Variants in KIAA1328 observed in about 807,000 individuals in gnomAD.
The protein encoded by KIAA1328 is KIAA1328.
In KIAA1328, 52 loss-of-function variants were observed where a neutral mutation model predicts 68.1. The ratio of observed to expected loss-of-function variants is 0.76; its 90% CI spans 0.61 to 0.96. The LOEUF (loss-of-function observed/expected upper bound fraction) is 0.96, where lower values mean the gene tolerates loss of function less well. KIAA1328 is among the 40% of genes least tolerant of loss of function. The pLI is 0.00. For synonymous variants in KIAA1328, 232 were observed against 239.4 expected, an observed-to-expected ratio of 0.97 and a Z score of 0.28; for missense variants, 641 against 677.6, an observed-to-expected ratio of 0.95 and a Z score of 0.60.
At chr18:37,151,529 T>C (rs1408733109) in intron 7 of KIAA1328, among the ~76,000 whole-genome samples, 3 of 152,146 alleles carry the variant, frequency 2.0e-5, no homozygotes, top group Admixed American at 6.5e-5. Context: ...TTTAGGTATG[T>C]AAATTAAAGT....
chr18:37,130,557 G>A (rs2058498871), intron 7 of KIAA1328, among the ~76,000 whole-genome samples: 1 of 152,090 alleles, frequency 6.6e-6, no homozygotes, highest in Non-Finnish European at 1.5e-5. Flanking sequence ...GGCGGAGGTT[G>A]CAGTGAGCCA....
chr18:37,171,898 AC>A (rs1353817355), intron 8 of KIAA1328, among the ~76,000 whole-genome samples: 1 of 152,184 alleles, frequency 6.6e-6, no homozygotes, highest in East Asian at 1.9e-4. Context: ...ATAGAGTGAG[AC>A]CCTGTCTCAA....
chr18:36,829,458 G>T (rs2150739434), intron 1 of KIAA1328: 1 of 1,290,514 alleles, frequency 7.7e-7, no homozygotes, highest in Admixed American at 4.3e-5. Context: ...GAGAAAGATA[G>T]CCTTGAGTCC....
intron 7 of KIAA1328, among the ~76,000 whole-genome samples, chr18:37,135,415 C>G (rs1242395831): frequency 6.6e-6 from 1 of 152,140 alleles, no homozygotes; most frequent in Non-Finnish European, 1.5e-5. Context: ...GAGATGGTAT[C>G]TCATTACGGT....
intron 5 of KIAA1328, among the ~76,000 whole-genome samples, chr18:36,936,961 CTA>C (rs2050522638): frequency 6.6e-6 from 1 of 152,142 alleles, no homozygotes; most frequent in Admixed American, 6.5e-5. Flanking sequence ...AAACTATATA[CTA>C]CAAGGCTACA....
chr18:37,100,784 C>G (rs527619692), intron 7 of KIAA1328, among the ~76,000 whole-genome samples: 9 of 152,196 alleles, frequency 5.9e-5, no homozygotes, highest in Admixed American at 4.6e-4. Flanking sequence ...AGGGGCAGAC[C>G]GACACCTCAC....
At chr18:36,923,970 G>A (rs1408115564) in intron 5 of KIAA1328, 1 of 152,164 alleles carries the variant, frequency 6.6e-6, no homozygotes, top group African/African-American at 2.4e-5. Flanking sequence ...AAGTTGGAAG[G>A]GAATTATGCT....
chr18:37,157,207 T>A (rs1305586015), intron 7 of KIAA1328, among the ~76,000 whole-genome samples: 1 of 152,190 alleles, frequency 6.6e-6, no homozygotes, highest in East Asian at 1.9e-4. Context: ...TTTCTAGACG[T>A]TCAGCAGACA....
intron 4 of KIAA1328, among the ~76,000 whole-genome samples, chr18:36,857,707 T>G (rs1377428880): frequency 6.6e-6 from 1 of 152,230 alleles, no homozygotes; most frequent in Non-Finnish European, 1.5e-5. Flanking sequence ...TTTGCCAGCT[T>G]AACAGTCACT....
chr18:37,174,422 C>T (rs2047832), intron 9 of KIAA1328, among the ~76,000 whole-genome samples: 10,409 of 131,238 alleles, frequency 0.079, 1,311 homozygotes, highest in African/African-American at 0.28. Context: ...CTCACTCTGT[C>T]GCCAGGCTGG....
intron 6 of KIAA1328, among the ~76,000 whole-genome samples, chr18:36,977,869 C>G (rs954427878): frequency 6.6e-6 from 1 of 151,886 alleles, no homozygotes; most frequent in Non-Finnish European, 1.5e-5. Context: ...CTGCAACCTC[C>G]GCCTTCCAGG....
chr18:37,015,134 C>T (rs1192901486), intron 6 of KIAA1328, among the ~76,000 whole-genome samples: 1 of 152,022 alleles, frequency 6.6e-6, no homozygotes, highest in Non-Finnish European at 1.5e-5. Context: ...ATCTCCTGAC[C>T]TCGTGATCCA....
intron 7 of KIAA1328, among the ~76,000 whole-genome samples, chr18:37,153,336 A>G (rs1367390195): frequency 6.6e-6 from 1 of 152,110 alleles, no homozygotes; most frequent in African/African-American, 2.4e-5. Flanking sequence ...TAGGGCAACA[A>G]ACCTTGGGTA....
chr18:37,073,842 T>A (rs1049644347), intron 7 of KIAA1328, among the ~76,000 whole-genome samples: 1 of 152,218 alleles, frequency 6.6e-6, no homozygotes, highest in Non-Finnish European at 1.5e-5. Context: ...TATCTGATAA[T>A]ACCAACGTTT....
intron 7 of KIAA1328, among the ~76,000 whole-genome samples, chr18:37,130,184 G>A (rs908901494): frequency 1.3e-5 from 2 of 152,104 alleles, no homozygotes; most frequent in South Asian, 2.1e-4. Flanking sequence ...ACCACAGGAA[G>A]AACTCACAAG....
chr18:37,062,746 C>T (rs1037945941), intron 6 of KIAA1328, among the ~76,000 whole-genome samples: 11 of 152,126 alleles, frequency 7.2e-5, no homozygotes, highest in African/African-American at 2.7e-4. Context: ...TGAGCCACCG[C>T]GCCCGGCCAA....
At chr18:37,229,400 A>G (rs2060654841), downstream of KIAA1328, among the ~76,000 whole-genome samples, 21 of 152,184 alleles carry the variant, frequency 1.4e-4, no homozygotes, top group Admixed American at 1.2e-3. Flanking sequence ...GAGGCCAGGT[A>G]TACATCTATG....
intron 6 of KIAA1328, among the ~76,000 whole-genome samples, chr18:36,963,403 G>A (rs1009747760): frequency 3.9e-5 from 6 of 152,194 alleles, no homozygotes. Context: ...AAGGGAGATG[G>A]AGCAATCTTT....
intron 6 of KIAA1328, among the ~76,000 whole-genome samples, chr18:36,986,483 T>C (rs1015125949): frequency 1.5e-5 from 2 of 132,036 alleles, no homozygotes; most frequent in African/African-American, 2.8e-5. Context: ...AATTGACAAA[T>C]GGGATCTAAT....
Sources: allele counts gnomAD v4.1 joint callset (sites outside exome capture counted in the v4.1 genomes callset), GRCh38; gene constraint gnomAD v4.1.1; transcripts MANE v1.5; gene names NCBI Gene and HGNC (gene_info 2026-07-23, HGNC 2026-07-21).